The following OIT3 variants were observed in gnomAD, a reference collection of about 807,000 sequenced individuals.
OIT3 encodes oncoprotein-induced transcript 3 protein.
In OIT3, 41 loss-of-function variants were observed where a neutral mutation model predicts 52.2. That is an observed-to-expected ratio of 0.79 (90% CI 0.61 to 1.02). The LOEUF (loss-of-function observed/expected upper bound fraction) is 1.02, where lower values mean the gene tolerates loss of function less well. Ranked by LOEUF, OIT3 falls within the 50% of genes least tolerant of loss-of-function variation. The pLI, the probability that OIT3 is intolerant of heterozygous loss-of-function variation, is 0.00. For synonymous variants in OIT3, 244 were observed against 276.9 expected (o/e 0.88, Z 1.18); for missense variants, 634 against 715.5 (o/e 0.89, Z 1.30).
intron 8 of OIT3, among the ~76,000 whole-genome samples, chr10:72,931,806 C>T (rs1337589115): frequency 2.0e-5 from 3 of 152,072 alleles, no homozygotes; most frequent in African/African-American, 7.2e-5. Context: ...TTGAAGAGGC[C>T]AACATTCTTT....
Position 72,932,411 on chromosome 10 carries a change from T to C in OIT3, c.1525T>C (p.Cys509Arg). ...VCGVLDERSR[C>R]AQGCHRRMRR... Reference sequence around the variant, plus strand: ...TGGAGTGTTGGACGAGCGTTCCCGCTGTGCCCAGGGTTGCCACCGGCGAAT... The same window carrying C: ...TGGAGTGTTGGACGAGCGTTCCCGCCGTGCCCAGGGTTGCCACCGGCGAAT... Residue 509 changes from cysteine to arginine, a missense_variant, in exon 9 of 9, where the codon TGT (cysteine) becomes CGT (arginine). Physicochemically the swap from Cys to Arg is radical, Grantham distance 180 (BLOSUM62 -3). Transcript: ENST00000334011. 2 of 1,614,244 alleles carry C rather than the reference T, an allele frequency of 1.2e-6. No homozygotes were observed. The highest frequency in any genetic ancestry group is 1.7e-6 in the Non-Finnish European group (2 of 1,180,030).
intron 6 of OIT3, 93 bp from the exon 7 acceptor site, chr10:72,924,136 G>A: frequency 9.0e-7 from 1 of 1,110,628 alleles, no homozygotes; most frequent in South Asian, 1.5e-5. Context: ...TGTGTTTTGA[G>A]GTAGATAGAA....
chr10:72,900,396 C>T lies in OIT3; in HGVS notation c.456C>T (p.Asp152=), dbSNP rs763969531. The T allele has an allele frequency of 1.6e-5, 26 of 1,605,560 alleles. No individual in the cohort carries two copies. The African/African-American group carries it at 1.7e-4, about 11-fold the overall frequency. ...CCATAGATTTTTATGACATCTGCGA[C>T]GAGGACTGCCATGGCAGCTGCTCAG... ...VYCGHFYDIC[D]EDCHGSCSDT... is the part of the protein sequence containing the mutation. Residue 152 remains aspartate, a synonymous_variant, in exon 3 of 9, where the codon GAC becomes GAT. Transcript: ENST00000334011.
intron 4 of OIT3, among the ~76,000 whole-genome samples, chr10:72,907,961 G>A (rs1845994817): frequency 1.3e-5 from 2 of 151,884 alleles, no homozygotes; most frequent in African/African-American, 4.8e-5. Flanking sequence ...CCATCACTTC[G>A]GCCAGGCATA....
chr10:72,917,621 G>A (rs1391141779), intron 6 of OIT3: 1 of 812,468 alleles, frequency 1.2e-6, no homozygotes, highest in Non-Finnish European at 2.2e-6. Context: ...TTAACAAATT[G>A]TTTAAACTAT....
rs1347242115 is a variant in OIT3 at position 72,918,163 on chromosome 10, ACT to A, written c.951+4698_951+4699del. 6 of 1,268,640 alleles carry A rather than the reference ACT, an allele frequency of 4.7e-6. No individual in the cohort carries two copies. In the African/African-American group the frequency reaches 7.3e-5, roughly 15 times the overall value. 78.6% of individuals were successfully genotyped at this position (1,268,640 alleles called of 1,614,324 possible). A position where few individuals can be genotyped will look rare whatever the true frequency, so the allele number is the denominator to read the frequency against. ...ACATCCTCCTCCTCTTCACCTTCTGACTCTGCATCTTCCTCCACAGCTACTAA... is the reference window on the plus strand; with the variant it reads ...ACATCCTCCTCCTCTTCACCTTCTGACTGCATCTTCCTCCACAGCTACTAA... On this transcript the variant is annotated intron_variant, in intron 6 of 8. Coordinates refer to ENST00000334011, the MANE Select transcript of OIT3 (RefSeq NM_152635.3).
chr10:72,901,796 C>T (rs1287045309), intron 3 of OIT3, among the ~76,000 whole-genome samples: 1 of 152,130 alleles, frequency 6.6e-6, no homozygotes, highest in Non-Finnish European at 1.5e-5. Flanking sequence ...GTAATCCCAG[C>T]GCTTTGAGAG....
In OIT3 at chr10:72,900,552, C is replaced by T. The variant is rs1845923593; in HGVS notation, c.544+68C>T. The stretch of plus-strand genomic sequence containing the variant: ...AAGGACAAATCAAAAACTCTTCCTG[C>T]CTCAGAGCACCATCATTTTCCCAGT... On this transcript the variant is annotated intron_variant, in intron 3 of 8. Coordinates refer to ENST00000334011, the MANE Select transcript of OIT3 (RefSeq NM_152635.3). The T allele has an allele frequency of 4.0e-5, 31 of 773,994 alleles. No individual in the cohort carries two copies. In the South Asian group the frequency reaches 4.8e-4, roughly 12 times the overall value. 47.9% of individuals were successfully genotyped at this position (773,994 alleles called of 1,614,324 possible).
At chr10:72,930,679 CTT>C (rs368917423) in intron 8 of OIT3, 42 bp downstream of exon 8, 68,237 of 728,986 alleles carry the variant, frequency 0.094, no homozygotes, top group East Asian at 0.13. Flanking sequence ...GAACCTGAGC[CTT>C]TTTTTTTTTT....
chr10:72,911,017 T>C (rs976080209), intron 4 of OIT3, among the ~76,000 whole-genome samples: 1 of 152,210 alleles, frequency 6.6e-6, no homozygotes, highest in Admixed American at 6.5e-5. Flanking sequence ...TAAAATCACC[T>C]TGTAGATTCT....
At chr10:72,926,598 G>A (rs1397846657) in intron 7 of OIT3, among the ~76,000 whole-genome samples, 2 of 152,186 alleles carry the variant, frequency 1.3e-5, no homozygotes, top group Non-Finnish European at 2.9e-5. Flanking sequence ...CTCAGAAGGT[G>A]TGCTTCCAGC....
At chr10:72,931,205 C>A (rs372553069) in intron 8 of OIT3, among the ~76,000 whole-genome samples, 1 of 152,104 alleles carries the variant, frequency 6.6e-6, no homozygotes, top group African/African-American at 2.4e-5. Context: ...TCGTCATATT[C>A]TTTTATCTAA....
intron 6 of OIT3, chr10:72,918,267 C>A: frequency 1.3e-6 from 1 of 793,570 alleles, no homozygotes; most frequent in African/African-American, 1.7e-5. Flanking sequence ...TTCAAAGCCC[C>A]CAAGAGAAAC....
chr10:72,927,726 T>C (rs1245235092), intron 7 of OIT3, among the ~76,000 whole-genome samples: 1 of 152,194 alleles, frequency 6.6e-6, no homozygotes, highest in Admixed American at 6.5e-5. Flanking sequence ...AAGGGAATTA[T>C]TGACAATTCC....
rs565188014 is a variant in OIT3 at position 72,902,041 on chromosome 10, A to AAAAAC, written c.544+1579_544+1583dup. Among the ~76,000 whole-genome samples the AAAAAC allele has an allele frequency of 5.7e-4, 87 of 152,238 alleles. 1 individual carries two copies. Among genetic ancestry groups the AAAAAC allele is most frequent in the Non-Finnish European group, 8.5e-4 (58 of 68,012 alleles). On this transcript the variant is annotated intron_variant, in intron 3 of 8. Transcript: ENST00000334011. ...GCGAAAGAGCAAGACCCTGTCTCTG[A>AAAAAC]AAAACAAAACAAAACAAAACAAAAC...
chr10:72,931,610 T>TATC (rs1846217034), intron 8 of OIT3, among the ~76,000 whole-genome samples: 1 of 152,222 alleles, frequency 6.6e-6, no homozygotes, highest in African/African-American at 2.4e-5. Flanking sequence ...GGCCACAGTA[T>TATC]ATCAATTTAA....
At chr10:72,925,008 G>A (rs1846156842) in intron 7 of OIT3, among the ~76,000 whole-genome samples, 1 of 151,848 alleles carries the variant, frequency 6.6e-6, no homozygotes. Flanking sequence ...CTACTCAAGA[G>A]GCTGAGGCAG....
At chr10:72,912,760 G>A (rs1482791291) in intron 5 of OIT3, among the ~76,000 whole-genome samples, 1 of 152,128 alleles carries the variant, frequency 6.6e-6, no homozygotes, top group Non-Finnish European at 1.5e-5. Flanking sequence ...GAATGCTAAG[G>A]AAAAGCAATC....
chr10:72,913,465 C>A lies in OIT3; in HGVS notation c.948C>A (p.Val316=). Residue 316 remains valine, a synonymous_variant, in exon 6 of 9, where the codon GTC becomes GTA. Transcript: ENST00000334011. ...CTCTCAAGACATGTGGTACAGTGGT[C>A]GATGTAGGTTCCTCCTGGAGGGCAC... is the stretch of plus-strand genomic sequence containing the variant. ...LFSLKTCGTV[V]DVVNDKIVAS... 6.2e-7 allele frequency: 1 copy of A among 1,603,246 alleles called. No homozygotes were observed. Among genetic ancestry groups the A allele is most frequent in the South Asian group, 1.1e-5 (1 of 90,376 alleles).
Sources: allele counts gnomAD v4.1 joint callset (sites outside exome capture counted in the v4.1 genomes callset), GRCh38; gene constraint gnomAD v4.1.1; transcripts MANE v1.5; gene names NCBI Gene and HGNC (gene_info 2026-07-23, HGNC 2026-07-21).